Variants in CNTNAP2 observed in about 807,000 individuals in gnomAD.
CNTNAP2 encodes contactin-associated protein-like 2.
A neutral mutation model predicts 155.2 loss-of-function variants in CNTNAP2; 98 were observed. The observed-to-expected ratio is 0.63, with a 90% CI of 0.54 to 0.75. The LOEUF is 0.75. Among genes scored for constraint, CNTNAP2 ranks in the 30% least tolerant of loss-of-function variants. The probability of loss-of-function intolerance (pLI) is 0.00; values close to 1 mark genes in which losing one functional copy is unlikely to be tolerated. For synonymous variants in CNTNAP2, 651 were observed against 631.2 expected (o/e 1.03, Z -0.47); for missense variants, 1,727 against 1,688.1 (o/e 1.02, Z -0.40).
intron 1 of CNTNAP2, among the ~76,000 whole-genome samples, chr7:146,439,479 A>T (rs762278259): frequency 1.5e-4 from 22 of 151,392 alleles, no homozygotes; most frequent in South Asian, 8.3e-4. Context: ...TCCTCCTGGT[A>T]TTATATATGT....
At chr7:146,707,116 C>T (rs1800980434) in intron 1 of CNTNAP2, among the ~76,000 whole-genome samples, 2 of 152,134 alleles carry the variant, frequency 1.3e-5, no homozygotes, top group South Asian at 2.1e-4. Context: ...TCTATTGGGG[C>T]AGAGGCAACA....
At chr7:146,394,168 G>A (rs542073685) in intron 1 of CNTNAP2, among the ~76,000 whole-genome samples, 8 of 152,164 alleles carry the variant, frequency 5.3e-5, no homozygotes, top group African/African-American at 1.9e-4. Context: ...GCATTATTTA[G>A]GTGTAGATAA....
chr7:148,306,885 T>C (rs971752302), intron 21 of CNTNAP2, among the ~76,000 whole-genome samples: 6 of 152,148 alleles, frequency 3.9e-5, no homozygotes, highest in African/African-American at 1.4e-4. Flanking sequence ...ACATTTAAGA[T>C]TGAGGCACTA....
chr7:147,289,847 T>C (rs369607645), intron 8 of CNTNAP2, among the ~76,000 whole-genome samples: 2 of 152,194 alleles, frequency 1.3e-5, no homozygotes, highest in South Asian at 4.1e-4. Context: ...ATTTCATATA[T>C]ATTGGGTTTC....
At chr7:147,347,583 A>T (rs1795899934) in intron 9 of CNTNAP2, among the ~76,000 whole-genome samples, 1 of 151,266 alleles carries the variant, frequency 6.6e-6, no homozygotes, top group African/African-American at 2.4e-5. Flanking sequence ...TTACCTAAGT[A>T]CCATTAAAAT....
At chr7:147,176,404 C>T (rs1043295688) in intron 8 of CNTNAP2, among the ~76,000 whole-genome samples, 2 of 151,906 alleles carry the variant, frequency 1.3e-5, no homozygotes, top group Non-Finnish European at 2.9e-5. Context: ...TTTAAACAGA[C>T]ATTTACCAAG....
At chr7:146,160,196 T>C (rs1486324609) in intron 1 of CNTNAP2, among the ~76,000 whole-genome samples, 1 of 152,152 alleles carries the variant, frequency 6.6e-6, no homozygotes, top group Admixed American at 6.5e-5. Flanking sequence ...TAAAGCAGTG[T>C]GTGCAGGGAA....
At chr7:147,977,757 A>G (rs1476527193) in intron 14 of CNTNAP2, 105 bp from the exon 15 acceptor site, 1 of 1,510,716 alleles carries the variant, frequency 6.6e-7, no homozygotes, top group Non-Finnish European at 9.1e-7. Context: ...TAAACTTCCA[A>G]ACGATTACTG....
At chr7:146,360,873 A>G (rs966323388) in intron 1 of CNTNAP2, among the ~76,000 whole-genome samples, 3 of 152,212 alleles carry the variant, frequency 2.0e-5, no homozygotes, top group Non-Finnish European at 4.4e-5. Flanking sequence ...TTCCCCAGTC[A>G]CTGACATGAA....
At chr7:147,801,160 T>C (rs1375324217) in intron 13 of CNTNAP2, among the ~76,000 whole-genome samples, 4 of 152,204 alleles carry the variant, frequency 2.6e-5, no homozygotes, top group South Asian at 2.1e-4. Flanking sequence ...TTGGGAGAAC[T>C]AAGATTTGTA....
At chr7:146,525,566 A>ATCTATCTC (rs1554443991) in intron 1 of CNTNAP2, among the ~76,000 whole-genome samples, 3 of 146,508 alleles carry the variant, frequency 2.0e-5, no homozygotes, top group African/African-American at 7.9e-5. Context: ...CTATCTATCT[A>ATCTATCTC]TCTATCTATC....
chr7:147,739,237 C>T (rs184408733), intron 13 of CNTNAP2, among the ~76,000 whole-genome samples: 1 of 151,490 alleles, frequency 6.6e-6, no homozygotes, highest in East Asian at 1.9e-4. Flanking sequence ...AAGAGAAAAC[C>T]TTATACTTTT....
At chr7:147,287,433 G>A (rs1805205166) in intron 8 of CNTNAP2, among the ~76,000 whole-genome samples, 1 of 152,100 alleles carries the variant, frequency 6.6e-6, no homozygotes, top group Non-Finnish European at 1.5e-5. Flanking sequence ...GAATTGCACA[G>A]ATGGGCCTTG....
chr7:146,151,448 C>T (rs1798036090), intron 1 of CNTNAP2, among the ~76,000 whole-genome samples: 1 of 150,402 alleles, frequency 6.6e-6, no homozygotes, highest in Admixed American at 6.7e-5. Context: ...TTTATGAATT[C>T]AATTTTTTTT....
At chr7:146,456,607 T>G (rs1421927446) in intron 1 of CNTNAP2, among the ~76,000 whole-genome samples, 2 of 152,168 alleles carry the variant, frequency 1.3e-5, no homozygotes, top group Non-Finnish European at 2.9e-5. Flanking sequence ...TTACTTGTTC[T>G]TTTGGAGTTT....
At chr7:147,884,431 T>TATC (rs1358968865) in intron 13 of CNTNAP2, among the ~76,000 whole-genome samples, 1 of 151,616 alleles carries the variant, frequency 6.6e-6, no homozygotes, top group African/African-American at 2.4e-5. Flanking sequence ...ACCAAAAACA[T>TATC]ATCTGAATAT....
At chr7:146,541,856 T>C (rs997431136) in intron 1 of CNTNAP2, among the ~76,000 whole-genome samples, 1 of 152,006 alleles carries the variant, frequency 6.6e-6, no homozygotes, top group African/African-American at 2.4e-5. Context: ...GCCTTGCATG[T>C]ACTGTTCTTG....
intron 18 of CNTNAP2, among the ~76,000 whole-genome samples, chr7:148,181,992 C>T (rs941991745): frequency 2.0e-5 from 3 of 151,186 alleles, no homozygotes; most frequent in South Asian, 2.1e-4. Context: ...CTCCTGACCT[C>T]GTGATCCGCC....
At chr7:146,947,553 GTGTGTATATATATATATATATACATATA>G (rs71165053) in intron 3 of CNTNAP2, among the ~76,000 whole-genome samples, 35,958 of 104,716 alleles carry the variant, frequency 0.34, 5,821 homozygotes, top group Middle Eastern at 0.41. Context: ...ATGTGTGTGT[GTGTGTATATATATATATATATACATATA>G]TATATATATA....
Sources: allele counts gnomAD v4.1 joint callset (sites outside exome capture counted in the v4.1 genomes callset), GRCh38; gene constraint gnomAD v4.1.1; transcripts MANE v1.5; gene names NCBI Gene and HGNC (gene_info 2026-07-23, HGNC 2026-07-21).